SEC61A2: variants seen among roughly 807,000 people sequenced by gnomAD.
SEC61A2 encodes protein transport protein Sec61 subunit alpha isoform 2.
Under a neutral mutation model 59.9 loss-of-function variants are expected in SEC61A2, and 28 were observed. The observed-to-expected ratio is 0.47, with a 90% CI of 0.35 to 0.64. The LOEUF is 0.64. Ranked by LOEUF, SEC61A2 falls within the 30% of genes least tolerant of loss-of-function variation. SEC61A2 has a pLI of 0.01. For synonymous variants in SEC61A2, 202 were observed against 214.4 expected, an observed-to-expected ratio of 0.94 and a Z score of 0.50; for missense variants, 340 against 585.9, an observed-to-expected ratio of 0.58 and a Z score of 4.33.
At chr10:12,131,292 A>G (rs1833731680) in intron 1 of SEC61A2, among the ~76,000 whole-genome samples, 1 of 152,216 alleles carries the variant, frequency 6.6e-6, no homozygotes, top group Middle Eastern at 3.2e-3. Context: ...CTTTAAGACA[A>G]TTTTGGGATG....
chr10:12,144,526 C>T (rs1834095981), intron 4 of SEC61A2, among the ~76,000 whole-genome samples: 1 of 152,094 alleles, frequency 6.6e-6, no homozygotes, highest in South Asian at 2.1e-4. Context: ...AGCCTTTGTG[C>T]AAGGTGCCGA....
Position 12,143,249 on chromosome 10 carries a change from CATGTGGATTAGCA to C in SEC61A2, c.220+58_220+70del, listed in dbSNP as rs1834062532. 2 of 1,273,708 alleles carry C rather than the reference CATGTGGATTAGCA, an allele frequency of 1.6e-6. No individual in the cohort carries two copies. Among genetic ancestry groups the C allele is most frequent in the East Asian group, 4.6e-5 (2 of 43,326 alleles). 78.9% of individuals were successfully genotyped at this position (1,273,708 alleles called of 1,614,324 possible). A position where few individuals can be genotyped will look rare whatever the true frequency, so the allele number is the denominator to read the frequency against. ...CCTACTCACAGCAAACAGATGGAAACATGTGGATTAGCAATGAGTTTTCAATGTCTACAGGGAG... is the reference window on the plus strand; with the variant it reads ...CCTACTCACAGCAAACAGATGGAAACATGAGTTTTCAATGTCTACAGGGAG... On this transcript the variant is annotated intron_variant, in intron 4 of 11. Coordinates refer to ENST00000298428, the MANE Select transcript of SEC61A2 (RefSeq NM_018144.4). This position sits in a 1 kb window ranked among gnomAD's most constrained non-coding sequence, Gnocchi z 4.8.
At chr10:12,157,492 C>T (rs1387646306) in intron 8 of SEC61A2, among the ~76,000 whole-genome samples, 9 of 141,336 alleles carry the variant, frequency 6.4e-5, no homozygotes, top group Admixed American at 4.7e-4. Flanking sequence ...CGTGCCACCA[C>T]GCCCGGCTAA....
At chr10:12,134,109 C>G (rs1833826154) in intron 2 of SEC61A2, among the ~76,000 whole-genome samples, 1 of 152,238 alleles carries the variant, frequency 6.6e-6, no homozygotes, top group African/African-American at 2.4e-5. Context: ...CGGGTTCACG[C>G]CATTCTCCTG....
Position 12,161,098 on chromosome 10 carries a change from G to T in SEC61A2, c.1144G>T (p.Val382Leu). The T allele has an allele frequency of 2.5e-6, 4 of 1,611,886 alleles. No homozygotes were observed. Among genetic ancestry groups the T allele is most frequent in the Non-Finnish European group, 3.4e-6 (4 of 1,179,110 alleles). The change falls in exon 10 of 12, where the codon GTG (valine) becomes TTG (leucine). Residue 382 changes from valine to leucine, a missense_variant. By Grantham distance (32) the Val-to-Leu change is conservative (BLOSUM62 1). Transcript: ENST00000298428. The surrounding 1 kb of genome is among the most constrained non-coding windows in gnomAD (Gnocchi z 5.4). ...CAFFSKTWIE[V>L]SGSSAKDVAK... ...ATTCTTCTCTAAGACATGGATTGAA[G>T]TGTCTGGTTCCTCAGCCAAAGATGT...
chr10:12,134,232 C>G (rs951803605), intron 2 of SEC61A2, among the ~76,000 whole-genome samples: 1 of 152,360 alleles, frequency 6.6e-6, no homozygotes, highest in East Asian at 1.9e-4. Flanking sequence ...TGGTCTCGAT[C>G]TCCTGACCTT....
chr10:12,168,303 C>A (rs1000443631), downstream of SEC61A2, among the ~76,000 whole-genome samples: 1 of 152,158 alleles, frequency 6.6e-6, no homozygotes, highest in Non-Finnish European at 1.5e-5. This position sits in a 1 kb window ranked among gnomAD's most constrained non-coding sequence, Gnocchi z 4.8. Flanking sequence ...GGATTACAGG[C>A]GTGAGCTACC....
At chr10:12,138,475 A>G (rs1166198150) in intron 3 of SEC61A2, among the ~76,000 whole-genome samples, 1 of 152,082 alleles carries the variant, frequency 6.6e-6, no homozygotes, top group African/African-American at 2.4e-5. Flanking sequence ...CATGACTACA[A>G]CCTCTGTGGA....
intron 2 of SEC61A2, 61 bp from the exon 3 acceptor site, chr10:12,136,044 C>T (rs1051502407): frequency 3.8e-6 from 4 of 1,050,638 alleles, no homozygotes; most frequent in Non-Finnish European, 4.5e-6. Flanking sequence ...AACTCTGCTG[C>T]CCCCCAAAAA....
rs1833692491 is a variant in SEC61A2 at position 12,129,965 on chromosome 10, C to G, written c.7+171C>G. Among the ~76,000 whole-genome samples the G allele has an allele frequency of 6.6e-6, 1 of 152,076 alleles. No homozygotes were observed. Among genetic ancestry groups the G allele is most frequent in the Admixed American group, 6.5e-5 (1 of 15,272 alleles). Reference sequence around the variant, plus strand: ...GGGCCTCCGCCGAGGCTCCCCTAGCCGTGCGAGGCCTTGCCCGGCGGGTAC... The same window carrying G: ...GGGCCTCCGCCGAGGCTCCCCTAGCGGTGCGAGGCCTTGCCCGGCGGGTAC... On this transcript the variant is annotated intron_variant, in intron 1 of 11. Transcript: ENST00000298428. This position sits in a 1 kb window ranked among gnomAD's most constrained non-coding sequence, Gnocchi z 5.6.
chr10:12,164,868 C>CATTT lies in SEC61A2; in HGVS notation c.*417_*420dup, dbSNP rs528676155. On this transcript the variant is annotated 3_prime_UTR_variant, in exon 12 of 12. Transcript: ENST00000298428. The surrounding 1 kb of genome is among the most constrained non-coding windows in gnomAD (Gnocchi z 7.3). ...TGAGCTTATTTAATGAGTTCTGGAA[C>CATTT]ATTTATATCTAATCTATATTTTAGA... 102 of 982,886 alleles carry CATTT rather than the reference C, an allele frequency of 1.0e-4. 3 individuals are homozygous for CATTT. The East Asian group carries it at 9.3e-3, about 89-fold the overall frequency. The allele number at this position is 982,886 out of a possible 1,614,324, so 60.9% of individuals were successfully genotyped here. A position where few individuals can be genotyped will look rare whatever the true frequency, so the allele number is the denominator to read the frequency against.
downstream of SEC61A2, chr10:12,166,446 T>C (rs1394612046): frequency 4.3e-6 from 1 of 233,814 alleles, no homozygotes; most frequent in Non-Finnish European, 8.8e-6. Flanking sequence ...ATCTGTAAAG[T>C]TCTGTATTTC....
chr10:12,146,134 C>A (rs957380321), intron 4 of SEC61A2, among the ~76,000 whole-genome samples: 14 of 152,130 alleles, frequency 9.2e-5, no homozygotes, highest in Admixed American at 3.3e-4. Context: ...GATTTTCCTG[C>A]CTCAGCCTCC....
At position 12,157,784 on chromosome 10, in the gene SEC61A2, AG is replaced by A. The variant is rs1235809770; in HGVS notation, c.778-123del. 2.2e-5 allele frequency: 19 copies of A among 846,304 alleles called. No homozygotes were observed. In the Admixed American group the frequency reaches 4.1e-4, roughly 18 times the overall value. The allele number at this position is 846,304 out of a possible 1,614,324, so 52.4% of individuals were successfully genotyped here. ...CCAAAGTGTTGGGATTACAGGCCTG[AG>A]CCCCTGTGCCCGGCCGGCATTGTCT... On this transcript the variant is annotated intron_variant, in intron 8 of 11. Coordinates refer to ENST00000298428, the MANE Select transcript of SEC61A2 (RefSeq NM_018144.4).
Position 12,164,691 on chromosome 10 carries a change from T to G in SEC61A2, c.*237T>G. Reference sequence around the variant, plus strand: ...AAAGTACATCTAGTGTTGCCTGTAATGCTGGAAACCAGTGTATCTACCTTG... The same window carrying G: ...AAAGTACATCTAGTGTTGCCTGTAAGGCTGGAAACCAGTGTATCTACCTTG... On this transcript the variant is annotated 3_prime_UTR_variant, in exon 12 of 12. Coordinates refer to ENST00000298428, the MANE Select transcript of SEC61A2 (RefSeq NM_018144.4). The surrounding 1 kb of genome is among the most constrained non-coding windows in gnomAD (Gnocchi z 7.3). The G allele has an allele frequency of 2.3e-6, 3 of 1,299,356 alleles. No homozygotes were observed. The highest frequency in any genetic ancestry group is 2.9e-6 in the Non-Finnish European group (3 of 1,026,106). The allele number at this position is 1,299,356 out of a possible 1,614,324, so 80.5% of individuals were successfully genotyped here. A position where few individuals can be genotyped will look rare whatever the true frequency, so the allele number is the denominator to read the frequency against.
In SEC61A2 at chr10:12,157,208, G is replaced by A. The variant is rs1169492060; in HGVS notation, c.777+141G>A. On this transcript the variant is annotated intron_variant, in intron 8 of 11. Coordinates refer to ENST00000298428, the MANE Select transcript of SEC61A2 (RefSeq NM_018144.4). ...TAAAATTTTGCAATTAGAGTCTCCA[G>A]ACTCTGATTTTAAGGTGTGAAATAT... 13 of 767,516 alleles carry A rather than the reference G, an allele frequency of 1.7e-5. No individual in the cohort carries two copies. The East Asian group carries it at 1.9e-4, about 11-fold the overall frequency. The allele number at this position is 767,516 out of a possible 1,614,324, so 47.5% of individuals were successfully genotyped here.
rs552165386 is a variant in SEC61A2, at chr10:12,136,099, G to T, written c.76-6G>T. On this transcript the variant is annotated splice_region_variant and splice_polypyrimidine_tract_variant and intron_variant, in intron 2 of 11. Transcript: ENST00000298428. The stretch of plus-strand genomic sequence containing the variant: ...GATTGATGATTCTTTACATTTTGTT[G>T]TACAGATCCAGTTTAGAGAGAAGGT... The T allele has an allele frequency of 1.9e-6, 3 of 1,596,566 alleles. No homozygotes were observed. Among genetic ancestry groups the T allele is most frequent in the Non-Finnish European group, 2.6e-6 (3 of 1,164,460 alleles).
chr10:12,148,637 T>TTGGAGTTGGCGCGATGTCAGCTCACTG (rs1286880222), intron 4 of SEC61A2, among the ~76,000 whole-genome samples: 1 of 151,838 alleles, frequency 6.6e-6, no homozygotes, highest in South Asian at 2.1e-4. Flanking sequence ...ACTCCTCGGT[T>TTGGAGTTGGCGCGATGTCAGCTCACTG]CAAGGGATTC....
chr10:12,167,741 T>A (rs766044683), downstream of SEC61A2: 1 of 1,614,198 alleles, frequency 6.2e-7, no homozygotes, highest in Non-Finnish European at 8.5e-7. Context: ...GCTTTGCATT[T>A]GCATGTTTCA....
Sources: allele counts gnomAD v4.1 joint callset (sites outside exome capture counted in the v4.1 genomes callset), GRCh38; gene constraint gnomAD v4.1.1; non-coding constraint Gnocchi (gnomAD v3.1); transcripts MANE v1.5; gene names NCBI Gene and HGNC (gene_info 2026-07-23, HGNC 2026-07-21).